PPP1R9A: variants seen among roughly 807,000 people sequenced by gnomAD.
PPP1R9A encodes protein phosphatase 1 regulatory subunit 9A, also known as neurabin-1.
Under a neutral mutation model 141.9 loss-of-function variants are expected in PPP1R9A, and 59 were observed. The observed-to-expected ratio is 0.42, with a 90% CI of 0.34 to 0.52. The LOEUF (loss-of-function observed/expected upper bound fraction) is 0.52. Among genes scored for constraint, PPP1R9A ranks in the 20% least tolerant of loss-of-function variants. The pLI, the probability that PPP1R9A is intolerant of heterozygous loss-of-function variation, is 0.10. For synonymous variants in PPP1R9A, 500 were observed against 569.7 expected (o/e 0.88, Z 1.74); for missense variants, 1,444 against 1,611.9 (o/e 0.90, Z 1.78).
At chr7:94,928,617 A>G (rs1458123082) in intron 2 of PPP1R9A, among the ~76,000 whole-genome samples, 1 of 152,204 alleles carries the variant, frequency 6.6e-6, no homozygotes. Flanking sequence ...ACCTACAGTC[A>G]TAGGCTGACT....
At chr7:95,277,194 AG>A (rs1803366016) in intron 16 of PPP1R9A, among the ~76,000 whole-genome samples, 1 of 152,186 alleles carries the variant, frequency 6.6e-6, no homozygotes, top group Non-Finnish European at 1.5e-5. Flanking sequence ...TATGGCTGTT[AG>A]ATTTTAAAGA....
chr7:95,037,233 A>T (rs2151867997), intron 2 of PPP1R9A: 1 of 152,238 alleles, frequency 6.6e-6, no homozygotes, highest in South Asian at 2.1e-4. Context: ...ATATGTTGGA[A>T]AATTTCCATT....
intron 2 of PPP1R9A, among the ~76,000 whole-genome samples, chr7:95,082,491 G>C (rs1048259957): frequency 1.3e-5 from 2 of 150,944 alleles, no homozygotes; most frequent in African/African-American, 5.0e-5. Flanking sequence ...TGTAATCCCA[G>C]CACTTTGGGA....
rs1259747737 is a variant in PPP1R9A at position 95,283,824 on chromosome 7, G to T, written c.3297-194G>T. 2.0e-5 allele frequency among the ~76,000 whole-genome samples: 3 copies of T among 152,196 alleles called. No homozygotes were observed. The East Asian group carries it at 5.8e-4, about 29-fold the overall frequency. ...TAGCAATACGAAAATGTTGATCATT[G>T]TCACAGAATCCATTTAGAGGCAAAA... On this transcript the variant is annotated intron_variant, in intron 16 of 19. Coordinates refer to ENST00000433360, the MANE Select transcript of PPP1R9A (RefSeq NM_001166160.2).
chr7:95,205,047 C>T (rs977799970), intron 7 of PPP1R9A, among the ~76,000 whole-genome samples: 2 of 151,870 alleles, frequency 1.3e-5, no homozygotes, highest in Non-Finnish European at 2.9e-5. Context: ...TCTGATCCCA[C>T]GGGGTAGACA....
rs1806651106 is a variant in PPP1R9A, at chr7:95,293,547, A to G, written c.*3244A>G. 6.6e-6 allele frequency: 1 copy of G among 152,218 alleles called. No homozygotes were observed. The highest frequency in any genetic ancestry group is 1.5e-5 in the Non-Finnish European group (1 of 68,044). 9.4% of individuals were successfully genotyped at this position (152,218 alleles called of 1,614,324 possible). On this transcript the variant is annotated 3_prime_UTR_variant, in exon 20 of 20. Transcript: ENST00000433360. ...CCAAACTCAGCTTTCAACTGGCACAAAATGGGACTGTCACCTTTTGCTCCA... is the reference window on the plus strand; with the variant it reads ...CCAAACTCAGCTTTCAACTGGCACAGAATGGGACTGTCACCTTTTGCTCCA...
intron 4 of PPP1R9A, 36 bp from the exon 5 acceptor site, chr7:95,161,831 G>C: frequency 7.5e-7 from 1 of 1,327,616 alleles, no homozygotes; most frequent in Non-Finnish European, 1.0e-6. Flanking sequence ...AATTTTTTAT[G>C]TAATTTATGT....
At chr7:95,181,501 A>G (rs1350724523) in intron 5 of PPP1R9A, among the ~76,000 whole-genome samples, 2 of 138,454 alleles carry the variant, frequency 1.4e-5, no homozygotes, top group African/African-American at 5.3e-5. Context: ...TATAGAATAT[A>G]TATAGAGAAT....
chr7:95,087,824 G>A (rs1347716370), intron 2 of PPP1R9A, among the ~76,000 whole-genome samples: 3 of 151,512 alleles, frequency 2.0e-5, no homozygotes, highest in African/African-American at 4.9e-5. Flanking sequence ...GATCCTGGGC[G>A]GCAGAGGTTG....
At chr7:95,157,705 C>T (rs190510886) in intron 4 of PPP1R9A, among the ~76,000 whole-genome samples, 1 of 152,356 alleles carries the variant, frequency 6.6e-6, no homozygotes, top group Admixed American at 6.5e-5. Context: ...TTATGTGGAT[C>T]TGTTAATGCA....
chr7:95,273,814 C>T, intron 14 of PPP1R9A, 85 bp from the exon 15 acceptor site: 2 of 1,244,120 alleles, frequency 1.6e-6, no homozygotes, highest in Non-Finnish European at 2.2e-6. Flanking sequence ...AGGCAAAGCC[C>T]TTAGATTCAG....
intron 2 of PPP1R9A, among the ~76,000 whole-genome samples, chr7:94,979,630 C>A (rs1799853581): frequency 6.6e-6 from 1 of 152,182 alleles, no homozygotes; most frequent in Non-Finnish European, 1.5e-5. Context: ...CATGGAAGAT[C>A]TCTGAATACC....
At chr7:95,077,935 A>G (rs1815110743) in intron 2 of PPP1R9A, among the ~76,000 whole-genome samples, 1 of 150,766 alleles carries the variant, frequency 6.6e-6, no homozygotes, top group Non-Finnish European at 1.5e-5. Flanking sequence ...GCTTTTCTTC[A>G]TAGATCTAAG....
At chr7:94,911,606 A>C in intron 2 of PPP1R9A, 98 bp downstream of exon 2, 1 of 911,884 alleles carries the variant, frequency 1.1e-6, no homozygotes, top group Non-Finnish European at 1.6e-6. Context: ...GAGTTTTTGT[A>C]AGGGATTCAA....
chr7:95,277,422 CTT>C (rs990038218), intron 16 of PPP1R9A, among the ~76,000 whole-genome samples: 1 of 152,066 alleles, frequency 6.6e-6, no homozygotes, highest in African/African-American at 2.4e-5. Context: ...GTGGCATTGT[CTT>C]TTTGTTTGTT....
chr7:94,934,947 C>T (rs1794606396), intron 2 of PPP1R9A, among the ~76,000 whole-genome samples: 1 of 152,050 alleles, frequency 6.6e-6, no homozygotes, highest in African/African-American at 2.4e-5. Context: ...AAGCTTCAAA[C>T]TCCTGGGCTC....
chr7:95,133,069 T>C (rs1352225445), intron 4 of PPP1R9A, among the ~76,000 whole-genome samples: 1 of 152,158 alleles, frequency 6.6e-6, no homozygotes, highest in Non-Finnish European at 1.5e-5. Context: ...AAGAATTATA[T>C]TGAGCGACAG....
chr7:95,100,221 A>T (rs1352897799), intron 2 of PPP1R9A, among the ~76,000 whole-genome samples: 1 of 151,998 alleles, frequency 6.6e-6, no homozygotes, highest in African/African-American at 2.4e-5. Flanking sequence ...GGAGTTTGAG[A>T]CCAGCCTGGG....
intron 2 of PPP1R9A, among the ~76,000 whole-genome samples, chr7:94,971,154 T>A (rs1280243899): frequency 6.6e-6 from 1 of 152,144 alleles, no homozygotes; most frequent in Admixed American, 6.5e-5. Flanking sequence ...GAAGCCAGTG[T>A]GGTGAGTGCC....
Sources: allele counts gnomAD v4.1 joint callset (sites outside exome capture counted in the v4.1 genomes callset), GRCh38; gene constraint gnomAD v4.1.1; transcripts MANE v1.5; gene names NCBI Gene and HGNC (gene_info 2026-07-23, HGNC 2026-07-21).